The following METTL15 variants were observed in gnomAD, a reference collection of about 807,000 sequenced individuals.
METTL15 encodes 12S rRNA N(4)-cytidine methyltransferase METTL15.
METTL15 carries 34 observed loss-of-function variants against 38.3 expected under a neutral mutation model. The observed-to-expected ratio is 0.89, with a 90% CI of 0.68 to 1.18. The LOEUF (loss-of-function observed/expected upper bound fraction) is 1.18, where lower values mean the gene tolerates loss of function less well. Among genes scored for constraint, METTL15 ranks in the 50% most tolerant of loss-of-function variants. The pLI is 0.00. For missense variants in METTL15, 438 were observed against 498.4 expected, an observed-to-expected ratio of 0.88 and a Z score of 1.15; for synonymous variants, 162 against 170.9, an observed-to-expected ratio of 0.95 and a Z score of 0.41.
At chr11:28,144,827 G>A (rs1849824171) in intron 3 of METTL15, 2 of 153,314 alleles carry the variant, frequency 1.3e-5, no homozygotes, top group Middle Eastern at 3.4e-3. Flanking sequence ...TCAGATAGCA[G>A]TCTGATCACA....
At position 28,123,764 on chromosome 11, in the gene METTL15, A is replaced by G. The variant is rs953514595; in HGVS notation, c.270+10160A>G. On this transcript the variant is annotated intron_variant, in intron 3 of 6. Transcript: ENST00000407364. ...GGCATATATTTTTTATCTTTGTCCT[A>G]TTTGGCCTGTGTCATCTGTAATAGG... The G allele has an allele frequency of 3.5e-5, 26 of 744,496 alleles. No individual in the cohort carries two copies. In the African/African-American group the frequency reaches 3.8e-4, roughly 11 times the overall value. The allele number at this position is 744,496 out of a possible 1,614,324, so 46.1% of individuals were successfully genotyped here. A position where few individuals can be genotyped will look rare whatever the true frequency, so the allele number is the denominator to read the frequency against.
At chr11:28,360,393 T>C (rs1184347753) in intron 4 of METTL15, among the ~76,000 whole-genome samples, 1 of 152,216 alleles carries the variant, frequency 6.6e-6, no homozygotes, top group African/African-American at 2.4e-5. Flanking sequence ...ATCCTTCTTA[T>C]AAGAATTGAT....
chr11:28,296,654 A>AT (rs1277550155), intron 5 of METTL15, 99 bp from the exon 6 acceptor site: 1 of 1,228,470 alleles, frequency 8.1e-7, no homozygotes, highest in African/African-American at 1.5e-5. Context: ...CTCCTAGAGT[A>AT]TGTGTGTGTG....
intron 5 of METTL15, among the ~76,000 whole-genome samples, chr11:28,372,054 T>G (rs1040307967): frequency 4.6e-5 from 7 of 152,094 alleles, no homozygotes; most frequent in Non-Finnish European, 2.9e-5. Flanking sequence ...GTAGGCATTC[T>G]TATCATATTC....
chr11:28,496,185 C>A (rs1851534240), intron 6 of METTL15, among the ~76,000 whole-genome samples: 1 of 152,198 alleles, frequency 6.6e-6, no homozygotes, highest in Non-Finnish European at 1.5e-5. Flanking sequence ...TTCCACATAG[C>A]TGGAGAGGCC....
In METTL15 at chr11:28,453,108, C is replaced by A. The variant is rs143779806; in HGVS notation, c.*424+28744C>A. ...CAGAGTAAACAATGAGATGCTTTTT[C>A]TTTTTAATACCAGAATCTCCCTATT... On this transcript the variant is annotated intron_variant and NMD_transcript_variant, in intron 6 of 7. Transcript: ENST00000532947. Among the ~76,000 whole-genome samples, 16 of 152,258 alleles carry A rather than the reference C, an allele frequency of 1.1e-4. No homozygotes were observed. In the East Asian group the frequency reaches 3.1e-3, roughly 29 times the overall value.
chr11:28,174,233 C>T (rs191417503), intron 3 of METTL15, among the ~76,000 whole-genome samples: 1 of 152,240 alleles, frequency 6.6e-6, no homozygotes, highest in South Asian at 2.1e-4. Flanking sequence ...TCAGTATGGA[C>T]TCATGGATAT....
chr11:28,416,549 C>A (rs1420746756), intron 5 of METTL15, among the ~76,000 whole-genome samples: 1 of 152,198 alleles, frequency 6.6e-6, no homozygotes, highest in Non-Finnish European at 1.5e-5. Context: ...AGAACAGGAG[C>A]CTCTCTTGCC....
At chr11:28,227,314 CTAAT>C (rs1007015233) in intron 4 of METTL15, among the ~76,000 whole-genome samples, 1 of 151,700 alleles carries the variant, frequency 6.6e-6, no homozygotes, top group Non-Finnish European at 1.5e-5. Context: ...AATTTTACAA[CTAAT>C]TATTTAATTA....
chr11:28,114,433 C>T (rs942454865), intron 3 of METTL15, among the ~76,000 whole-genome samples: 1 of 152,042 alleles, frequency 6.6e-6, no homozygotes, highest in African/African-American at 2.4e-5. Context: ...AATGCTACTA[C>T]GAACATTCGT....
chr11:28,133,134 G>T (rs1453352853), intron 3 of METTL15, among the ~76,000 whole-genome samples: 2 of 152,124 alleles, frequency 1.3e-5, no homozygotes, highest in Admixed American at 6.6e-5. Context: ...CGAAAAGTAA[G>T]ATCTTAGGGT....
At chr11:28,198,154 A>G (rs12285248) in intron 3 of METTL15, among the ~76,000 whole-genome samples, 22,166 of 152,102 alleles carry the variant, frequency 0.15, 1,820 homozygotes, top group East Asian at 0.28. Context: ...TGTCTTTTAA[A>G]AAAGACGCTG....
At chr11:28,246,225 G>A (rs1854503848) in intron 4 of METTL15, among the ~76,000 whole-genome samples, 1 of 151,870 alleles carries the variant, frequency 6.6e-6, no homozygotes, top group South Asian at 2.1e-4. Context: ...TATATTTAAG[G>A]AAATTGATAA....
intron 6 of METTL15, among the ~76,000 whole-genome samples, chr11:28,500,476 G>C (rs1246708479): frequency 1.3e-5 from 2 of 152,034 alleles, no homozygotes; most frequent in African/African-American, 4.8e-5. Context: ...CCTGTATTCT[G>C]CTCTCTTCAA....
chr11:28,141,655 T>A (rs976903807), intron 3 of METTL15, among the ~76,000 whole-genome samples: 1 of 152,088 alleles, frequency 6.6e-6, no homozygotes, highest in Non-Finnish European at 1.5e-5. Context: ...ACCACTGCAC[T>A]CCAGCCTGGT....
intron 5 of METTL15, among the ~76,000 whole-genome samples, chr11:28,379,137 T>A (rs575990493): frequency 6.6e-6 from 1 of 152,078 alleles, no homozygotes; most frequent in Non-Finnish European, 1.5e-5. Flanking sequence ...GTTTGTTGAT[T>A]TTATTTATCT....
At chr11:28,136,536 G>A (rs892445277) in intron 3 of METTL15, among the ~76,000 whole-genome samples, 3 of 151,930 alleles carry the variant, frequency 2.0e-5, no homozygotes, top group Non-Finnish European at 2.9e-5. Flanking sequence ...TAATACATGT[G>A]GTTTACAATA....
intron 3 of METTL15, among the ~76,000 whole-genome samples, chr11:28,199,542 A>G (rs2133817413): frequency 6.6e-6 from 1 of 152,142 alleles, no homozygotes; most frequent in African/African-American, 2.4e-5. Flanking sequence ...TGGAGTAAGA[A>G]TTTGCTTCTT....
chr11:28,181,866 T>C (rs2133784790), intron 3 of METTL15, among the ~76,000 whole-genome samples: 1 of 152,250 alleles, frequency 6.6e-6, no homozygotes, highest in African/African-American at 2.4e-5. Context: ...TCATTTACAC[T>C]CCCACCAGCA....
Sources: gnomAD v4.1 joint callset for allele counts (sites outside exome capture counted in the v4.1 genomes callset) on GRCh38, gnomAD v4.1.1 for gene constraint, MANE v1.5 for transcripts, NCBI Gene and HGNC (gene_info 2026-07-23, HGNC 2026-07-21) for gene names.